SCAF1: variants seen among roughly 807,000 people sequenced by gnomAD.
SCAF1 encodes the protein SR-related CTD associated factor 1.
A neutral mutation model predicts 91.2 loss-of-function variants in SCAF1; 28 were observed. The ratio of observed to expected loss-of-function variants is 0.31; its 90% CI spans 0.23 to 0.42. The LOEUF is 0.42. Among genes scored for constraint, SCAF1 ranks in the 10% least tolerant of loss-of-function variants. The pLI is 1.00. For missense variants in SCAF1, 1,893 were observed against 1,872.1 expected, an observed-to-expected ratio of 1.01 and a Z score of -0.21; for synonymous variants, 1,036 against 833.7, an observed-to-expected ratio of 1.24 and a Z score of -4.18.
Position 49,652,772 on chromosome 19 carries a change from G to C in SCAF1, c.2383G>C (p.Ala795Pro). Residue 795 changes from alanine (A) to proline (P), a missense_variant, in exon 7 of 11, where the codon GCC becomes CCC. Physicochemically the swap from Ala to Pro is conservative, Grantham distance 27. This residue lies in a region of SCAF1 where 1,436 missense variants were observed against 1,306.8 expected (regional missense o/e 1.10). Coordinates refer to ENST00000360565, the MANE Select transcript of SCAF1 (RefSeq NM_021228.3). ...GGACAGGGACAGGTCATCCAAGAAG[G>C]CCCGGCCCCCCAAGGAGTCGGCGCC... The part of the protein sequence containing the change: ...DRDRDRSSKK[A>P]RPPKESAPSS... The C allele has an allele frequency of 4.3e-6, 7 of 1,612,908 alleles. No individual in the cohort carries two copies. The highest frequency in any genetic ancestry group is 1.1e-5 in the South Asian group (1 of 90,932).
At position 49,645,470 on chromosome 19, in the gene SCAF1, T is replaced by C; in HGVS notation, c.166+59T>C. Reference sequence around the variant, plus strand: ...CCCCTCTCTGCATTCTTTATCCTAATGTCATTCATACAAGCTTTTCTGAAG... The same window carrying C: ...CCCCTCTCTGCATTCTTTATCCTAACGTCATTCATACAAGCTTTTCTGAAG... On this transcript the variant is annotated intron_variant, in intron 3 of 10. Transcript: ENST00000360565. The surrounding 1 kb of genome is among the most constrained non-coding windows in gnomAD (Gnocchi z 4.6). 1 of 1,543,716 alleles carries C rather than the reference T, an allele frequency of 6.5e-7. No homozygotes were observed.
intron 6 of SCAF1, among the ~76,000 whole-genome samples, chr19:49,647,808 G>A (rs2081063942): frequency 6.6e-6 from 1 of 150,998 alleles, no homozygotes; most frequent in Admixed American, 6.6e-5. Context: ...AATTTTCGTA[G>A]TTTTAGTAGA....
chr19:49,646,011 C>A lies in SCAF1; in HGVS notation c.167-97C>A. The A allele has an allele frequency of 8.7e-7, 1 of 1,147,544 alleles. No homozygotes were observed. The highest frequency in any genetic ancestry group is 1.3e-6 in the Non-Finnish European group (1 of 776,148). 71.1% of individuals were successfully genotyped at this position (1,147,544 alleles called of 1,614,324 possible). A position where few individuals can be genotyped will look rare whatever the true frequency, so the allele number is the denominator to read the frequency against. On this transcript the variant is annotated intron_variant, in intron 3 of 10. Transcript: ENST00000360565. The surrounding 1 kb of genome is among the most constrained non-coding windows in gnomAD (Gnocchi z 5.6). ...TGGAGAGCATGCGGGAGGCTGGTTC[C>A]GCTGTCAGGAACTAGATCAAGCTCC... is the stretch of plus-strand genomic sequence containing the variant.
rs919977326 is a variant in SCAF1, at chr19:49,644,759, C to T, written c.-6-262C>T. 57 of 328,604 alleles carry T rather than the reference C, an allele frequency of 1.7e-4. 1 individual carries two copies. In the Admixed American group the frequency reaches 2.7e-3, roughly 15 times the overall value. 20.4% of individuals were successfully genotyped at this position (328,604 alleles called of 1,614,324 possible). A position where few individuals can be genotyped will look rare whatever the true frequency, so the allele number is the denominator to read the frequency against. On this transcript the variant is annotated intron_variant, in intron 1 of 10. Transcript: ENST00000360565. ...AGGAGTGAGATGTTAAAAGCGGAGGCCAGGGAGGCCTCCCTTTGACATAAG... is the reference window on the plus strand; with the variant it reads ...AGGAGTGAGATGTTAAAAGCGGAGGTCAGGGAGGCCTCCCTTTGACATAAG...
Position 49,653,596 on chromosome 19 carries a change from G to T in SCAF1, c.3207G>T (p.Gly1069=). The change falls in exon 7 of 11, where the codon GGG becomes GGT. Residue 1069 remains glycine, a synonymous_variant. Coordinates refer to ENST00000360565, the MANE Select transcript of SCAF1 (RefSeq NM_021228.3). ...PSAGSTAGDS[G]AEDGPASRVS... ...CGGGGTCCACAGCCGGTGACTCGGG[G>T]GCGGAGGACGGGCCAGCTTCCCGTG... is the stretch of plus-strand genomic sequence containing the variant. The T allele has an allele frequency of 6.3e-7, 1 of 1,583,460 alleles. No homozygotes were observed. Among genetic ancestry groups the T allele is most frequent in the Non-Finnish European group, 8.5e-7 (1 of 1,170,252 alleles).
Position 49,651,382 on chromosome 19 carries a change from C to G in SCAF1, c.993C>G (p.Pro331=), listed in dbSNP as rs561831534. The G allele has an allele frequency of 6.2e-7, 1 of 1,607,986 alleles. No individual in the cohort carries two copies. The part of the protein sequence containing the change: ...RPDAQPTQPT[P]APGTPPQVDS... ...ACGCGCAGCCCACACAGCCGACTCC[C>G]GCCCCTGGAACGCCGCCCCAGGTGG... Residue 331 remains proline (P), a synonymous_variant, in exon 7 of 11, where the codon CCC becomes CCG. Transcript: ENST00000360565.
At chr19:49,657,696 G>A (rs1254032400) in intron 9 of SCAF1, 65 bp from the exon 10 acceptor site, 1 of 1,534,794 alleles carries the variant, frequency 6.5e-7, no homozygotes. Context: ...GCGAGTGGAG[G>A]TGGAGGTTCC....
In SCAF1 at chr19:49,648,562, C is replaced by A. The variant is rs1020546113; in HGVS notation, c.478+1732C>A. Among the ~76,000 whole-genome samples, 16 of 145,222 alleles carry A rather than the reference C, an allele frequency of 1.1e-4. 1 individual carries two copies. Among genetic ancestry groups the A allele is most frequent in the Admixed American group, 1.0e-3 (15 of 14,838 alleles). On this transcript the variant is annotated intron_variant, in intron 6 of 10. Coordinates refer to ENST00000360565, the MANE Select transcript of SCAF1 (RefSeq NM_021228.3). ...GCATGAGCCACCATGCCTGCCACAC[C>A]CCCCCCCCTTTTTTTTTAACAGCTG... is the stretch of plus-strand genomic sequence containing the variant.
intron 1 of SCAF1, among the ~76,000 whole-genome samples, chr19:49,643,784 G>C (rs2081039940): frequency 6.6e-6 from 1 of 152,172 alleles, no homozygotes; most frequent in Non-Finnish European, 1.5e-5. Flanking sequence ...TTGAGTATTG[G>C]TGAAAGAGGC....
chr19:49,647,117 A>G (rs1362724945), intron 6 of SCAF1, among the ~76,000 whole-genome samples: 1 of 152,188 alleles, frequency 6.6e-6, no homozygotes, highest in Non-Finnish European at 1.5e-5. Flanking sequence ...GGACTCTTCG[A>G]ATCTCTATCT....
intron 6 of SCAF1, among the ~76,000 whole-genome samples, chr19:49,648,558 A>ACCCC (rs1273583245): frequency 1.9e-5 from 2 of 104,352 alleles, no homozygotes; most frequent in African/African-American, 4.2e-5. Context: ...CATGCCTGCC[A>ACCCC]CACCCCCCCC....
At chr19:49,654,075 C>T (rs561458776) in intron 7 of SCAF1, among the ~76,000 whole-genome samples, 5 of 152,254 alleles carry the variant, frequency 3.3e-5, no homozygotes, top group Admixed American at 2.0e-4. Flanking sequence ...CTGGCCACAG[C>T]GGGTCAGGAG....
chr19:49,653,485 G>A lies in SCAF1; in HGVS notation c.3096G>A (p.Glu1032=). 2 of 1,556,814 alleles carry A rather than the reference G, an allele frequency of 1.3e-6. No individual in the cohort carries two copies. The highest frequency in any genetic ancestry group is 1.7e-6 in the Non-Finnish European group (2 of 1,155,216). ...EEEEEEEEEE[E]EEEEEEEQQP... ...AGGAGGAGGAAGAAGAAGAGGAGGA[G>A]GAAGAGGAAGAGGAGGAGGAGCAGC... The change falls in exon 7 of 11, where the codon GAG becomes GAA. Residue 1032 remains glutamate (E), a synonymous_variant. Coordinates refer to ENST00000360565, the MANE Select transcript of SCAF1 (RefSeq NM_021228.3).
At chr19:49,654,603 T>C in intron 8 of SCAF1, 49 bp from the exon 9 acceptor site, 1 of 1,469,956 alleles carries the variant, frequency 6.8e-7, no homozygotes. Flanking sequence ...ACGTCCCCTC[T>C]TCCCCTCCAC....
upstream of SCAF1, among the ~76,000 whole-genome samples, chr19:49,641,624 A>T: frequency 6.6e-6 from 1 of 151,876 alleles, no homozygotes; most frequent in East Asian, 1.9e-4. Context: ...GCCTATTTTT[A>T]TTTTTTTAGA....
intron 6 of SCAF1, among the ~76,000 whole-genome samples, chr19:49,647,262 C>T (rs1018225538): frequency 6.6e-6 from 1 of 152,218 alleles, no homozygotes; most frequent in Non-Finnish European, 1.5e-5. Context: ...CTGAGATGTG[C>T]GCTGCCCAAG....
intron 6 of SCAF1, among the ~76,000 whole-genome samples, chr19:49,648,457 A>G (rs2122468370): frequency 6.6e-6 from 1 of 151,190 alleles, no homozygotes; most frequent in East Asian, 2.0e-4. Flanking sequence ...TGAGGTCTTG[A>G]TATGTTGCGC....
chr19:49,650,751 T>C, intron 6 of SCAF1, 117 bp from the exon 7 acceptor site: 1 of 733,776 alleles, frequency 1.4e-6, no homozygotes, highest in Non-Finnish European at 2.2e-6. Flanking sequence ...TGTGAAGCAC[T>C]TGGGGCTTCC....
At chr19:49,649,595 G>A (rs566339903) in intron 6 of SCAF1, among the ~76,000 whole-genome samples, 6 of 152,176 alleles carry the variant, frequency 3.9e-5, no homozygotes, top group African/African-American at 9.6e-5. Flanking sequence ...TCCTGGTTTC[G>A]AGTGATTCTT....
Sources: gnomAD v4.1 joint callset for allele counts (sites outside exome capture counted in the v4.1 genomes callset) on GRCh38, gnomAD v4.1.1 for gene constraint, gnomAD v4.1.1 regional missense constraint, Gnocchi (gnomAD v3.1) non-coding constraint, MANE v1.5 for transcripts, NCBI Gene and HGNC (gene_info 2026-07-23, HGNC 2026-07-21) for gene names.